The following CRACR2A variants were observed in gnomAD, a reference collection of about 807,000 sequenced individuals.
CRACR2A encodes the protein calcium release activated channel regulator 2A.
A neutral mutation model predicts 90.5 loss-of-function variants in CRACR2A; 79 were observed. The observed-to-expected ratio is 0.87, with a 90% CI of 0.73 to 1.05. The LOEUF (loss-of-function observed/expected upper bound fraction) is 1.05, where lower values mean the gene tolerates loss of function less well. Ranked by LOEUF, CRACR2A falls within the 50% of genes least tolerant of loss-of-function variation. CRACR2A has a pLI of 0.00. For synonymous variants in CRACR2A, 338 were observed against 356.7 expected (o/e 0.95, Z 0.59); for missense variants, 823 against 897.2 (o/e 0.92, Z 1.06).
At chr12:3,679,891 T>G (rs1945414285) in intron 5 of CRACR2A, among the ~76,000 whole-genome samples, 1 of 152,212 alleles carries the variant, frequency 6.6e-6, no homozygotes, top group Admixed American at 6.5e-5. Flanking sequence ...TTGGCCATTT[T>G]TCTATGAAGG....
intron 2 of CRACR2A, among the ~76,000 whole-genome samples, chr12:3,716,369 G>C (rs1205379299): frequency 6.6e-6 from 1 of 152,204 alleles, no homozygotes; most frequent in African/African-American, 2.4e-5. Context: ...CCACTTGTTT[G>C]AAAGTTCCAT....
rs550388823 is a variant in CRACR2A at position 3,700,048 on chromosome 12, G to C, written c.-36-3013C>G. On this transcript the variant is annotated intron_variant, in intron 3 of 19. Transcript: ENST00000440314. ...ATGGTTTTCAAGACACTAGACACCA[G>C]GAATGAAGGATGGTGATCCTTAAGC... Among the ~76,000 whole-genome samples, 141 of 152,282 alleles carry C rather than the reference G, an allele frequency of 9.3e-4. 2 individuals carry two copies. In the South Asian group the frequency reaches 0.027, roughly 30 times the overall value.
intron 14 of CRACR2A, among the ~76,000 whole-genome samples, chr12:3,637,627 C>G (rs1186750565): frequency 6.6e-6 from 1 of 152,050 alleles, no homozygotes; most frequent in Admixed American, 6.6e-5. Flanking sequence ...TACACACACC[C>G]CTTCCCCTTT....
intron 8 of CRACR2A, among the ~76,000 whole-genome samples, chr12:3,656,613 AG>A (rs1944913739): frequency 6.6e-6 from 1 of 152,140 alleles, no homozygotes; most frequent in African/African-American, 2.4e-5. Context: ...GCGCTTAGTG[AG>A]GCAGGATGCA....
chr12:3,752,338 ACACACACACACACACACG>A (rs1946719809), intron 1 of CRACR2A, among the ~76,000 whole-genome samples: 1 of 39,152 alleles, frequency 2.6e-5, no homozygotes, highest in Non-Finnish European at 5.1e-5. Flanking sequence ...ACACACACGG[ACACACACACACACACACG>A]GACACACACA....
At chr12:3,738,089 G>A (rs1174961706) in intron 1 of CRACR2A, among the ~76,000 whole-genome samples, 1 of 152,186 alleles carries the variant, frequency 6.6e-6, no homozygotes, top group Non-Finnish European at 1.5e-5. Flanking sequence ...GTACATGTGG[G>A]CAATTCTAGG....
intron 4 of CRACR2A, among the ~76,000 whole-genome samples, chr12:3,694,306 A>G (rs976301868): frequency 3.9e-5 from 6 of 152,168 alleles, no homozygotes; most frequent in African/African-American, 1.4e-4. Context: ...TGGCTTCTCC[A>G]CTAGCTCCTC....
intron 9 of CRACR2A, among the ~76,000 whole-genome samples, chr12:3,654,774 T>G (rs1944868126): frequency 6.6e-6 from 1 of 152,248 alleles, no homozygotes; most frequent in Non-Finnish European, 1.5e-5. Context: ...CCCTTGGTCC[T>G]TGATGGAGAA....
intron 1 of CRACR2A, among the ~76,000 whole-genome samples, chr12:3,738,819 T>A (rs1257803922): frequency 6.6e-6 from 1 of 152,206 alleles, no homozygotes; most frequent in Non-Finnish European, 1.5e-5. Context: ...AGTGAGGCTT[T>A]AGACCACCAA....
intron 2 of CRACR2A, among the ~76,000 whole-genome samples, chr12:3,714,666 TA>T (rs1314420014): frequency 7.9e-5 from 12 of 152,274 alleles, no homozygotes; most frequent in African/African-American, 2.9e-4. Flanking sequence ...AATTTTCTGA[TA>T]TTTTTATTAC....
intron 1 of CRACR2A, among the ~76,000 whole-genome samples, chr12:3,744,377 A>C (rs1304236737): frequency 1.3e-5 from 2 of 152,210 alleles, no homozygotes; most frequent in African/African-American, 2.4e-5. Context: ...CAGATGCTAG[A>C]AACCTTCTCG....
intron 3 of CRACR2A, among the ~76,000 whole-genome samples, chr12:3,706,085 C>G (rs1345774746): frequency 6.6e-6 from 1 of 152,174 alleles, no homozygotes; most frequent in Non-Finnish European, 1.5e-5. Flanking sequence ...TCCCCTCAAC[C>G]CTAAACGTAT....
Position 3,649,433 on chromosome 12 carries a change from C to G in CRACR2A, c.1047-820G>C, listed in dbSNP as rs1438516834. ...GGCTGGTTCAGTATGTTTTTAGGAG[C>G]TCTGGAAGAATCACCTTCTCTTTCC... On this transcript the variant is annotated intron_variant, in intron 10 of 19. Coordinates refer to ENST00000440314, the MANE Select transcript of CRACR2A (RefSeq NM_001144958.2). Among the ~76,000 whole-genome samples, 4 of 152,200 alleles carry G rather than the reference C, an allele frequency of 2.6e-5. No homozygotes were observed. The East Asian group carries it at 7.7e-4, about 29-fold the overall frequency.
At chr12:3,627,199 C>T (rs1423469442) in intron 17 of CRACR2A, among the ~76,000 whole-genome samples, 1 of 152,170 alleles carries the variant, frequency 6.6e-6, no homozygotes, top group Non-Finnish European at 1.5e-5. Flanking sequence ...TTCAGTGTCC[C>T]TCTCTCCATG....
chr12:3,736,240 A>C (rs1467032888), intron 1 of CRACR2A, among the ~76,000 whole-genome samples: 1 of 151,678 alleles, frequency 6.6e-6, no homozygotes, highest in African/African-American at 2.4e-5. Context: ...GTGCAGAGAG[A>C]GGAGGGATAG....
At chr12:3,693,444 A>G (rs1481098704) in intron 4 of CRACR2A, among the ~76,000 whole-genome samples, 1 of 152,242 alleles carries the variant, frequency 6.6e-6, no homozygotes, top group Non-Finnish European at 1.5e-5. Flanking sequence ...TTCCTCTAGG[A>G]CTAAAGTCTC....
At chr12:3,707,774 C>T (rs1444678403) in intron 3 of CRACR2A, among the ~76,000 whole-genome samples, 1 of 152,128 alleles carries the variant, frequency 6.6e-6, no homozygotes, top group Non-Finnish European at 1.5e-5. Context: ...TCCCTGGGCC[C>T]GGAAGAGAGA....
chr12:3,623,072 G>T (rs1274701053), intron 17 of CRACR2A, among the ~76,000 whole-genome samples: 3 of 152,172 alleles, frequency 2.0e-5, no homozygotes, highest in Non-Finnish European at 4.4e-5. Context: ...AAGAAGGACT[G>T]AAAAGTAAAT....
At chr12:3,667,293 T>C (rs1945166989) in intron 7 of CRACR2A, among the ~76,000 whole-genome samples, 1 of 152,222 alleles carries the variant, frequency 6.6e-6, no homozygotes, top group African/African-American at 2.4e-5. Flanking sequence ...ATCACTACGA[T>C]GTCTGGCCCA....
Sources: gnomAD v4.1 joint callset for allele counts (sites outside exome capture counted in the v4.1 genomes callset) on GRCh38, gnomAD v4.1.1 for gene constraint, MANE v1.5 for transcripts, NCBI Gene and HGNC (gene_info 2026-07-23, HGNC 2026-07-21) for gene names.